RAB10: variants seen among roughly 807,000 people sequenced by gnomAD.
RAB10 encodes the protein RAB10, member RAS oncogene family.
RAB10 carries 5 observed loss-of-function variants against 25.7 expected under a neutral mutation model. The observed-to-expected ratio is 0.19, with a 90% CI of 0.10 to 0.41. RAB10 has a LOEUF of 0.41. Among genes scored for constraint, RAB10 ranks in the 10% least tolerant of loss-of-function variants. The probability of loss-of-function intolerance (pLI) is 1.00; values close to 1 mark genes in which losing one functional copy is unlikely to be tolerated. For synonymous variants in RAB10, 89 were observed against 86.4 expected (o/e 1.03, Z -0.16); for missense variants, 103 against 245.8 (o/e 0.42, Z 3.89).
chr2:26,099,205 C>G (rs1004378936), intron 2 of RAB10, among the ~76,000 whole-genome samples: 3 of 66,956 alleles, frequency 4.5e-5, no homozygotes, highest in Admixed American at 1.5e-4. Context: ...GCAATATTTT[C>G]CAGCAAATGT....
intron 1 of RAB10, among the ~76,000 whole-genome samples, chr2:26,061,033 A>G (rs548181450): frequency 6.6e-6 from 1 of 150,774 alleles, no homozygotes; most frequent in African/African-American, 2.4e-5. Flanking sequence ...GCTTCTTTAA[A>G]AATATAGGTT....
intron 1 of RAB10, among the ~76,000 whole-genome samples, chr2:26,074,986 G>A (rs1162648583): frequency 1.3e-5 from 2 of 152,068 alleles, no homozygotes; most frequent in Non-Finnish European, 2.9e-5. Flanking sequence ...CTTTTGGGAG[G>A]GACAGAAACT....
At chr2:26,075,452 A>C (rs989890392) in intron 1 of RAB10, among the ~76,000 whole-genome samples, 1 of 151,950 alleles carries the variant, frequency 6.6e-6, no homozygotes, top group Non-Finnish European at 1.5e-5. Context: ...AGGGGTCTTG[A>C]ATGGATAAGC....
At chr2:26,117,636 CA>C (rs371062977) in intron 3 of RAB10, among the ~76,000 whole-genome samples, 3,237 of 143,324 alleles carry the variant, frequency 0.023, 181 homozygotes, top group African/African-American at 0.056. Context: ...AAAAAAAAAA[CA>C]AAAAAAACAA....
intron 1 of RAB10, among the ~76,000 whole-genome samples, chr2:26,041,451 GA>G (rs1233668519): frequency 3.3e-5 from 5 of 149,400 alleles, no homozygotes; most frequent in Admixed American, 2.7e-4. Flanking sequence ...TCTGAGGCAG[GA>G]GAATTGCTTA....
At chr2:26,036,263 A>G (rs1248140212) in intron 1 of RAB10, among the ~76,000 whole-genome samples, 1 of 152,210 alleles carries the variant, frequency 6.6e-6, no homozygotes, top group Non-Finnish European at 1.5e-5. Flanking sequence ...CCGGTGAGAT[A>G]ATCATAATAG....
rs1036265192 is a variant in RAB10, at chr2:26,137,057, C to T, written c.*2036C>T. 7 of 152,638 alleles carry T rather than the reference C, an allele frequency of 4.6e-5. No individual in the cohort carries two copies. The East Asian group carries it at 1.3e-3, about 29-fold the overall frequency. 9.5% of individuals were successfully genotyped at this position (152,638 alleles called of 1,614,324 possible). On this transcript the variant is annotated 3_prime_UTR_variant, in exon 6 of 6. Coordinates refer to ENST00000264710, the MANE Select transcript of RAB10 (RefSeq NM_016131.5). ...ACCCTCTTTAATTCTTATTCAATTC[C>T]ATGACTTAAGGTTGGAGAGCTAAAC... is the stretch of plus-strand genomic sequence containing the variant.
At chr2:26,107,917 A>C (rs1431014543) in intron 2 of RAB10, among the ~76,000 whole-genome samples, 1 of 152,160 alleles carries the variant, frequency 6.6e-6, no homozygotes, top group Non-Finnish European at 1.5e-5. Context: ...AAAAATGTTC[A>C]CCATCTTAGC....
chr2:26,034,599 G>A lies in RAB10; in HGVS notation c.-10G>A, dbSNP rs759008330. 4.1e-5 allele frequency: 66 copies of A among 1,612,874 alleles called. 2 individuals are homozygous for A. The Admixed American group carries it at 1.0e-3, about 26-fold the overall frequency. On this transcript the variant is annotated 5_prime_UTR_variant, in exon 1 of 6. Coordinates refer to ENST00000264710, the MANE Select transcript of RAB10 (RefSeq NM_016131.5). The stretch of plus-strand genomic sequence containing the variant: ...GCCGCCGGCGGCGAGAGCCCGAGCC[G>A]CTCCTCCCAATGGCGAAGAAGACGT...
chr2:26,128,330 C>T (rs1667943325), intron 5 of RAB10, among the ~76,000 whole-genome samples: 1 of 152,194 alleles, frequency 6.6e-6, no homozygotes, highest in Admixed American at 6.5e-5. Flanking sequence ...ACTTGCTGCT[C>T]ACCTCCTGCT....
rs183166319 is a variant in RAB10, at chr2:26,050,234, T to C, written c.127+15499T>C. On this transcript the variant is annotated intron_variant, in intron 1 of 5. Transcript: ENST00000264710. The stretch of plus-strand genomic sequence containing the variant: ...TCTGAATTCTTCCCTTTTCACTCAG[T>C]TGAGTGTTTGACAAGGCATAGAGTT... Among the ~76,000 whole-genome samples, 57 of 152,336 alleles carry C rather than the reference T, an allele frequency of 3.7e-4. No individual in the cohort carries two copies. In the East Asian group the frequency reaches 7.3e-3, roughly 20 times the overall value.
At chr2:26,041,632 T>G (rs1181021487) in intron 1 of RAB10, among the ~76,000 whole-genome samples, 1 of 149,288 alleles carries the variant, frequency 6.7e-6, no homozygotes, top group East Asian at 2.0e-4. Context: ...GGGGCTGGGT[T>G]TGGTGGCTCA....
At chr2:26,076,945 G>GAGAAAAAAAAAAAAAA (rs1666749371) in intron 1 of RAB10, among the ~76,000 whole-genome samples, 1 of 121,328 alleles carries the variant, frequency 8.2e-6, no homozygotes. Context: ...GAAAAAAAAA[G>GAGAAAAAAAAAAAAAA]AGAAAAAAAA....
chr2:26,033,759 G>A (rs973999756), upstream of RAB10, among the ~76,000 whole-genome samples: 3 of 152,132 alleles, frequency 2.0e-5, no homozygotes, highest in African/African-American at 7.2e-5. Flanking sequence ...GCTCTGTAAG[G>A]GTGTCCCGGG....
Position 26,135,173 on chromosome 2 carries a change from T to A in RAB10, c.*152T>A. The A allele has an allele frequency of 1.8e-6, 1 of 551,842 alleles. No individual in the cohort carries two copies. Among genetic ancestry groups the A allele is most frequent in the Non-Finnish European group, 3.1e-6 (1 of 325,228 alleles). The allele number at this position is 551,842 out of a possible 1,614,324, so 34.2% of individuals were successfully genotyped here. On this transcript the variant is annotated 3_prime_UTR_variant, in exon 6 of 6. Transcript: ENST00000264710. The stretch of plus-strand genomic sequence containing the variant: ...CCTATTTTATTTGTTCTTTCATCTG[T>A]GACTGCTTGCTGACTTTATCATAAT...
chr2:26,102,514 C>T (rs1199520111), intron 2 of RAB10, among the ~76,000 whole-genome samples: 1 of 150,780 alleles, frequency 6.6e-6, no homozygotes, highest in African/African-American at 2.5e-5. Flanking sequence ...TCTCGGCTCA[C>T]TGCAAGCTCT....
intron 1 of RAB10, among the ~76,000 whole-genome samples, chr2:26,040,020 T>C (rs1665850781): frequency 2.0e-5 from 3 of 152,194 alleles, no homozygotes; most frequent in Non-Finnish European, 4.4e-5. Context: ...ACATGTGGCT[T>C]GTAGCTACCA....
At chr2:26,106,740 T>TG (rs1311456386) in intron 2 of RAB10, among the ~76,000 whole-genome samples, 17 of 149,218 alleles carry the variant, frequency 1.1e-4, no homozygotes, top group Middle Eastern at 3.6e-3. Flanking sequence ...ACAAAAATTG[T>TG]CCAGTGTGGT....
chr2:26,082,225 G>C (rs4665816), intron 1 of RAB10, among the ~76,000 whole-genome samples: 113,483 of 151,990 alleles, frequency 0.75, 42,589 homozygotes, highest in East Asian at 0.87. Flanking sequence ...ATTCTGTAAG[G>C]TTCTTATATT....
Sources: gnomAD v4.1 joint callset for allele counts (sites outside exome capture counted in the v4.1 genomes callset) on GRCh38, gnomAD v4.1.1 for gene constraint, MANE v1.5 for transcripts, NCBI Gene and HGNC (gene_info 2026-07-23, HGNC 2026-07-21) for gene names.